SRGAP3: variants seen among roughly 807,000 people sequenced by gnomAD.
SRGAP3 encodes the protein SLIT-ROBO Rho GTPase-activating protein 3.
In SRGAP3, 39 loss-of-function variants were observed where a neutral mutation model predicts 121.1. That is an observed-to-expected ratio of 0.32 (90% CI 0.25 to 0.42). SRGAP3 has a LOEUF of 0.42. SRGAP3 is among the 10% of genes least tolerant of loss of function. SRGAP3 has a pLI of 1.00. For missense variants in SRGAP3, 1,213 were observed against 1,470.6 expected (o/e 0.82, Z 2.86); for synonymous variants, 601 against 570.0 (o/e 1.05, Z -0.77).
intron 1 of SRGAP3, among the ~76,000 whole-genome samples, chr3:9,347,361 A>G (rs1168579981): frequency 6.6e-6 from 1 of 152,188 alleles, no homozygotes; most frequent in Non-Finnish European, 1.5e-5. Context: ...AATTTTTTAA[A>G]TGATAATTTT....
At chr3:9,056,851 G>A (rs913900753) in intron 7 of SRGAP3, among the ~76,000 whole-genome samples, 1 of 152,118 alleles carries the variant, frequency 6.6e-6, no homozygotes, top group African/African-American at 2.4e-5. Flanking sequence ...AGGGCTGGAG[G>A]AGGGGAAGCA....
At chr3:9,118,698 C>A (rs1219038881) in intron 2 of SRGAP3, among the ~76,000 whole-genome samples, 9 of 152,242 alleles carry the variant, frequency 5.9e-5, no homozygotes, top group East Asian at 1.9e-4. Context: ...CAGGCCCCCC[C>A]CCCAAGAAGT....
chr3:9,038,612 G>T (rs1944882291), intron 10 of SRGAP3, among the ~76,000 whole-genome samples: 1 of 152,218 alleles, frequency 6.6e-6, no homozygotes, highest in African/African-American at 2.4e-5. Context: ...CCACCCTGCT[G>T]CCCTGCCTCT....
chr3:9,015,983 A>C, intron 14 of SRGAP3: 9 of 522,552 alleles, frequency 1.7e-5, no homozygotes, highest in Middle Eastern at 5.2e-4. Flanking sequence ...CTTACAACTC[A>C]TCTTGCCACA....
At chr3:9,236,599 A>C (rs1574919605) in intron 1 of SRGAP3, among the ~76,000 whole-genome samples, 1 of 149,868 alleles carries the variant, frequency 6.7e-6, no homozygotes, top group Non-Finnish European at 1.5e-5. Context: ...TCTTCTTCCT[A>C]CTCCTGCCAT....
intron 1 of SRGAP3, among the ~76,000 whole-genome samples, chr3:9,129,158 G>A (rs993410352): frequency 6.6e-6 from 1 of 152,060 alleles, no homozygotes; most frequent in African/African-American, 2.4e-5. Context: ...TTCAACTCTT[G>A]GGCTCAAGCA....
At chr3:9,103,900 G>C (rs1415307046) in intron 3 of SRGAP3, among the ~76,000 whole-genome samples, 1 of 152,140 alleles carries the variant, frequency 6.6e-6, no homozygotes, top group African/African-American at 2.4e-5. Context: ...CTTTCTGAAG[G>C]CAATAAGGTA....
chr3:9,166,477 T>C (rs935908407), intron 1 of SRGAP3, among the ~76,000 whole-genome samples: 9 of 152,022 alleles, frequency 5.9e-5, no homozygotes, highest in Admixed American at 5.9e-4. Context: ...GATGCCCATG[T>C]GACTAAGAGT....
intron 1 of SRGAP3, among the ~76,000 whole-genome samples, chr3:9,346,531 A>AT (rs1386673112): frequency 1.3e-5 from 2 of 152,132 alleles, no homozygotes; most frequent in Non-Finnish European, 2.9e-5. Context: ...AGTGAAATGA[A>AT]TTTAGGGTAG....
chr3:9,158,558 T>G (rs1950502290), intron 1 of SRGAP3, among the ~76,000 whole-genome samples: 1 of 152,226 alleles, frequency 6.6e-6, no homozygotes, highest in Non-Finnish European at 1.5e-5. Context: ...TATCCCCATG[T>G]TCCAGGTGGG....
chr3:9,295,709 T>C (rs1035486242), intron 3 of SRGAP3, among the ~76,000 whole-genome samples: 1 of 152,216 alleles, frequency 6.6e-6, no homozygotes, highest in African/African-American at 2.4e-5. Flanking sequence ...TATATTCATA[T>C]CATTGTGCAA....
intron 8 of SRGAP3, among the ~76,000 whole-genome samples, chr3:9,055,116 C>T (rs746156265): frequency 1.3e-5 from 2 of 152,348 alleles, no homozygotes; most frequent in Non-Finnish European, 2.9e-5. Flanking sequence ...TCTCCTGTCT[C>T]TTTCCAGGTT....
chr3:9,156,759 G>T (rs1950430625), intron 1 of SRGAP3, among the ~76,000 whole-genome samples: 1 of 152,138 alleles, frequency 6.6e-6, no homozygotes, highest in African/African-American at 2.4e-5. Context: ...CACTGGCAGG[G>T]AAGCAAGATC....
intron 3 of SRGAP3, among the ~76,000 whole-genome samples, chr3:9,282,263 C>T (rs1954693238): frequency 6.6e-6 from 1 of 152,168 alleles, no homozygotes; most frequent in African/African-American, 2.4e-5. Context: ...ACTTTTAAAA[C>T]TACTTATTAG....
At chr3:9,344,641 A>G (rs989367016) in intron 1 of SRGAP3, among the ~76,000 whole-genome samples, 2 of 89,578 alleles carry the variant, frequency 2.2e-5, no homozygotes, top group Non-Finnish European at 5.0e-5. Context: ...TCAAAAACAA[A>G]AAACAAAAAA....
At chr3:9,062,231 T>C (rs894266145) in intron 5 of SRGAP3, among the ~76,000 whole-genome samples, 1 of 152,138 alleles carries the variant, frequency 6.6e-6, no homozygotes, top group Non-Finnish European at 1.5e-5. Context: ...AACTCATCTA[T>C]TTTATAGATG....
intron 1 of SRGAP3, 77 bp downstream of exon 1, chr3:9,248,808 G>T: frequency 7.0e-7 from 1 of 1,423,660 alleles, no homozygotes; most frequent in African/African-American, 1.4e-5. Flanking sequence ...AAAACGGGGG[G>T]CAGCGGGGGA....
At chr3:9,030,907 A>C (rs1282641457) in intron 12 of SRGAP3, among the ~76,000 whole-genome samples, 1 of 152,026 alleles carries the variant, frequency 6.6e-6, no homozygotes. Context: ...CCCCTCCAGA[A>C]GCCTACTGTG....
At chr3:9,291,602 CCA>C (rs71049786) in intron 3 of SRGAP3, among the ~76,000 whole-genome samples, 86,389 of 146,760 alleles carry the variant, frequency 0.59, 25,373 homozygotes, top group East Asian at 0.87. Context: ...TGCATCAACA[CCA>C]CACACACACA....
Sources: allele counts gnomAD v4.1 joint callset (sites outside exome capture counted in the v4.1 genomes callset), GRCh38; gene constraint gnomAD v4.1.1; transcripts MANE v1.5; gene names NCBI Gene and HGNC (gene_info 2026-07-23, HGNC 2026-07-21).